Variants in RAD18 observed in about 807,000 individuals in gnomAD.
RAD18 encodes RAD18 E3 ubiquitin protein ligase.
A neutral mutation model predicts 60.4 loss-of-function variants in RAD18; 47 were observed. The ratio of observed to expected loss-of-function variants is 0.78; its 90% CI spans 0.62 to 0.99. The LOEUF is 0.99. Ranked by LOEUF, RAD18 falls within the 50% of genes least tolerant of loss-of-function variation. The pLI is 0.00. For synonymous variants in RAD18, 225 were observed against 195.5 expected (o/e 1.15, Z -1.26); for missense variants, 640 against 593.3 (o/e 1.08, Z -0.82).
chr3:8,952,924 C>T (rs1305045550), intron 2 of RAD18, among the ~76,000 whole-genome samples: 1 of 152,092 alleles, frequency 6.6e-6, no homozygotes, highest in Non-Finnish European at 1.5e-5. Flanking sequence ...CCGATAAACC[C>T]ATCATAAATT....
intron 11 of RAD18, 80 bp downstream of exon 11, chr3:8,898,814 T>G: frequency 1.6e-6 from 2 of 1,241,770 alleles, no homozygotes; most frequent in Non-Finnish European, 2.2e-6. Flanking sequence ...CAAAGCTACA[T>G]TCTAATTATT....
intron 7 of RAD18, among the ~76,000 whole-genome samples, chr3:8,918,726 T>G (rs949391810): frequency 6.6e-6 from 1 of 152,032 alleles, no homozygotes; most frequent in Non-Finnish European, 1.5e-5. Context: ...AAAAAGAGGG[T>G]ACCCAGAAAC....
chr3:8,951,906 C>T (rs1940931481), intron 2 of RAD18, among the ~76,000 whole-genome samples: 1 of 152,228 alleles, frequency 6.6e-6, no homozygotes, highest in Admixed American at 6.5e-5. Context: ...GGCCTATAGA[C>T]AACCACCTGC....
At chr3:8,951,466 T>C (rs746876900) in intron 2 of RAD18, among the ~76,000 whole-genome samples, 1 of 152,210 alleles carries the variant, frequency 6.6e-6, no homozygotes, top group Non-Finnish European at 1.5e-5. Context: ...TTCAGTAGAC[T>C]TCCCTTGCAA....
intron 2 of RAD18, among the ~76,000 whole-genome samples, chr3:8,950,597 T>G (rs926192485): frequency 2.0e-5 from 3 of 152,200 alleles, no homozygotes; most frequent in African/African-American, 7.2e-5. Flanking sequence ...GCCTATTTAC[T>G]GCAGTTCCTT....
At position 8,890,460 on chromosome 3, in the gene RAD18, A is replaced by AT. The variant is rs770363336; in HGVS notation, c.1323-10dup. 2.6e-5 allele frequency: 40 copies of AT among 1,563,752 alleles called. 1 individual carries two copies. In the East Asian group the frequency reaches 8.3e-4, roughly 32 times the overall value. The stretch of plus-strand genomic sequence containing the variant: ...TGATGTCTGAACTGGAACTAAAAGG[A>AT]TATGTACATCAGTATTGACAGACAA... On this transcript the variant is annotated splice_polypyrimidine_tract_variant and intron_variant, in intron 11 of 12. Coordinates refer to ENST00000264926, the MANE Select transcript of RAD18 (RefSeq NM_020165.4).
intron 7 of RAD18, among the ~76,000 whole-genome samples, chr3:8,926,477 T>C (rs1246835609): frequency 1.3e-5 from 2 of 152,158 alleles, no homozygotes; most frequent in Non-Finnish European, 2.9e-5. Flanking sequence ...AAAATGGCCA[T>C]ACTGCCCAAG....
chr3:8,947,826 T>C (rs1940860981), intron 3 of RAD18, among the ~76,000 whole-genome samples: 1 of 152,202 alleles, frequency 6.6e-6, no homozygotes, highest in African/African-American at 2.4e-5. Flanking sequence ...GATCTTAGAC[T>C]TAAGAGCCAA....
chr3:8,913,220 T>C (rs1429138557), intron 8 of RAD18, among the ~76,000 whole-genome samples: 1 of 152,192 alleles, frequency 6.6e-6, no homozygotes, highest in Non-Finnish European at 1.5e-5. Context: ...CATCCTCAAA[T>C]TACTTAATTT....
At chr3:8,918,814 G>A (rs558268743) in intron 7 of RAD18, among the ~76,000 whole-genome samples, 8 of 152,276 alleles carry the variant, frequency 5.3e-5, no homozygotes, top group African/African-American at 1.9e-4. Flanking sequence ...AGAGCAAGTG[G>A]GGAGCATGGA....
intron 4 of RAD18, among the ~76,000 whole-genome samples, chr3:8,944,575 G>A (rs926098877): frequency 4.7e-5 from 7 of 149,866 alleles, no homozygotes; most frequent in South Asian, 2.1e-4. Context: ...AGGAATAGAC[G>A]GGGGAGGGAG....
intron 7 of RAD18, among the ~76,000 whole-genome samples, chr3:8,930,089 T>C (rs1218034846): frequency 3.3e-5 from 5 of 152,076 alleles, no homozygotes; most frequent in African/African-American, 1.2e-4. Context: ...ACAATAGAAA[T>C]GAAAACATAT....
At chr3:8,904,881 G>C (rs555375013) in intron 9 of RAD18, among the ~76,000 whole-genome samples, 1 of 152,294 alleles carries the variant, frequency 6.6e-6, no homozygotes, top group African/African-American at 2.4e-5. Flanking sequence ...CACATTAACA[G>C]TTAAGGAGAC....
intron 1 of RAD18, among the ~76,000 whole-genome samples, 184 bp from the exon 2 acceptor site, chr3:8,959,185 ACT>A (rs1342672860): frequency 2.6e-5 from 4 of 152,064 alleles, no homozygotes; most frequent in Non-Finnish European, 4.4e-5. Flanking sequence ...CTCTCATATG[ACT>A]CTTATACATT....
chr3:8,913,753 T>G, intron 7 of RAD18, 33 bp from the exon 8 acceptor site: 1 of 1,367,536 alleles, frequency 7.3e-7, no homozygotes, highest in Non-Finnish European at 1.0e-6. Flanking sequence ...ACTAGGTTAA[T>G]CACATGTCTT....
intron 7 of RAD18, among the ~76,000 whole-genome samples, chr3:8,915,115 C>T (rs116051609): frequency 0.023 from 3,098 of 136,494 alleles, 54 homozygotes; most frequent in Non-Finnish European, 0.033. Flanking sequence ...CACCACTGCA[C>T]TCCAGCCCAG....
intron 1 of RAD18, among the ~76,000 whole-genome samples, 186 bp from the exon 2 acceptor site, chr3:8,959,187 T>C (rs1202906818): frequency 6.6e-6 from 1 of 152,196 alleles, no homozygotes; most frequent in Non-Finnish European, 1.5e-5. Context: ...CTCATATGAC[T>C]CTTATACATT....
chr3:8,920,255 G>A (rs1249855919), intron 7 of RAD18, among the ~76,000 whole-genome samples: 2 of 138,760 alleles, frequency 1.4e-5, no homozygotes, highest in African/African-American at 5.4e-5. Context: ...CTCCAGCCTG[G>A]ACGACAGAGC....
Position 8,913,707 on chromosome 3 carries a change from A to T in RAD18, c.903T>A (p.Val301=), listed in dbSNP as rs1477803520. The part of the protein sequence containing the change: ...ALHPKSAAEI[V]REIENIEKTR... ...TCTTCTCTATATTTTCGATTTCTCG[A>T]ACTATTTCAGCAGCTGTTAAAATAA... The change falls in exon 8 of 13, where the codon GTT becomes GTA. Residue 301 remains valine, a synonymous_variant. Coordinates refer to ENST00000264926, the MANE Select transcript of RAD18 (RefSeq NM_020165.4). 6.4e-7 allele frequency: 1 copy of T among 1,561,830 alleles called. No individual in the cohort carries two copies. Among genetic ancestry groups the T allele is most frequent in the East Asian group, 2.3e-5 (1 of 44,262 alleles).
Sources: allele counts gnomAD v4.1 joint callset (sites outside exome capture counted in the v4.1 genomes callset), GRCh38; gene constraint gnomAD v4.1.1; transcripts MANE v1.5; gene names NCBI Gene and HGNC (gene_info 2026-07-23, HGNC 2026-07-21).